The following HIVEP2 variants were observed in gnomAD, a reference collection of about 807,000 sequenced individuals.
The protein encoded by HIVEP2 is transcription factor HIVEP2.
A neutral mutation model predicts 180.7 loss-of-function variants in HIVEP2; 14 were observed. That is an observed-to-expected ratio of 0.08 (90% confidence interval 0.05 to 0.12). HIVEP2 has a LOEUF of 0.12. Ranked by LOEUF, HIVEP2 falls within the 10% of genes least tolerant of loss-of-function variation. The pLI is 1.00. For missense variants in HIVEP2, 2,579 were observed against 3,008.5 expected (o/e 0.86, Z 3.34); for synonymous variants, 1,184 against 1,136.4 (o/e 1.04, Z -0.84).
intron 1 of HIVEP2, among the ~76,000 whole-genome samples, chr6:142,929,604 T>G (rs970685265): frequency 2.0e-5 from 3 of 152,176 alleles, no homozygotes; most frequent in African/African-American, 7.2e-5. Context: ...AGAAAAAAAT[T>G]AAAGTGCTCC....
Position 142,771,319 on chromosome 6 carries a change from C to T in HIVEP2, c.3420G>A (p.Ala1140=), listed in dbSNP as rs749654142. Reference sequence around the variant, plus strand: ...CCGAGCTCAGCGGGGGACAAGGACCCGCCACCTGCTTCCCTGGGTCCTCTT... The same window carrying T: ...CCGAGCTCAGCGGGGGACAAGGACCTGCCACCTGCTTCCCTGGGTCCTCTT... The part of the protein sequence containing the change: ...LQQEDPGKQV[A]GPCPPLSSGP... The change falls in exon 5 of 10, where the codon GCG becomes GCA. Residue 1140 remains alanine, a synonymous_variant. Coordinates refer to ENST00000367603, the MANE Select transcript of HIVEP2 (RefSeq NM_006734.4). This position sits in a 1 kb window ranked among gnomAD's most constrained non-coding sequence, Gnocchi z 5.4. 2.7e-5 allele frequency: 44 copies of T among 1,613,106 alleles called. No individual in the cohort carries two copies. In the Middle Eastern group the frequency reaches 6.6e-4, roughly 24 times the overall value.
At chr6:142,786,071 C>T (rs372018674) in intron 2 of HIVEP2, among the ~76,000 whole-genome samples, 1 of 152,246 alleles carries the variant, frequency 6.6e-6, no homozygotes, top group Non-Finnish European at 1.5e-5. Context: ...TATGGAGATG[C>T]CATCTCAGAA....
At chr6:142,893,519 T>C (rs533257843) in intron 1 of HIVEP2, among the ~76,000 whole-genome samples, 1 of 152,304 alleles carries the variant, frequency 6.6e-6, no homozygotes, top group South Asian at 2.1e-4. Context: ...TGACTCCCCT[T>C]TGCAGATGAG....
rs1775520400 is a variant in HIVEP2, at chr6:142,770,880, C to T, written c.3859G>A (p.Gly1287Arg). Reference protein sequence around the residue: ...QTYPCYSGASGLHPKNLLPKF... With the variant: ...QTYPCYSGASRLHPKNLLPKF... ...GGAAGAAGGTTCTTTGGGTGTAGCC[C>T]TGATGCTCCTGAATAACATGGGTAG... The change falls in exon 5 of 10, where the codon GGG (glycine) becomes AGG (arginine). Residue 1287 changes from glycine (G) to arginine (R), a missense_variant. By Grantham distance (125) the Gly-to-Arg change is moderately radical. Around this residue, in one of 11 missense-constraint regions of HIVEP2, gnomAD observed 523 missense variants for 577.0 expected, o/e 0.91. Coordinates refer to ENST00000367603, the MANE Select transcript of HIVEP2 (RefSeq NM_006734.4). This position sits in a 1 kb window ranked among gnomAD's most constrained non-coding sequence, Gnocchi z 4.7. The T allele has an allele frequency of 6.2e-7, 1 of 1,614,218 alleles. No individual in the cohort carries two copies. The highest frequency in any genetic ancestry group is 8.5e-7 in the Non-Finnish European group (1 of 1,180,046).
At chr6:142,808,750 G>A (rs1449262462) in intron 2 of HIVEP2, among the ~76,000 whole-genome samples, 4 of 151,488 alleles carry the variant, frequency 2.6e-5, no homozygotes, top group Non-Finnish European at 5.9e-5. Context: ...GGGGATAGAG[G>A]CAGGGAGGGA....
At chr6:142,929,869 A>G (rs1777900263) in intron 1 of HIVEP2, among the ~76,000 whole-genome samples, 1 of 152,200 alleles carries the variant, frequency 6.6e-6, no homozygotes, top group African/African-American at 2.4e-5. Context: ...ACATTTTCAT[A>G]GACTTTGAAA....
At chr6:142,853,515 C>T (rs1010738793) in intron 1 of HIVEP2, among the ~76,000 whole-genome samples, 2 of 152,194 alleles carry the variant, frequency 1.3e-5, no homozygotes, top group South Asian at 4.1e-4. Context: ...GCATGCAAGG[C>T]CACCCTTCAA....
At position 142,794,245 on chromosome 6, in the gene HIVEP2, G is replaced by T. The variant is rs577768187; in HGVS notation, c.-527-10630C>A. 3.9e-5 allele frequency among the ~76,000 whole-genome samples: 6 copies of T among 152,106 alleles called. 1 individual carries two copies. Among genetic ancestry groups the T allele is most frequent in the Admixed American group, 1.3e-4 (2 of 15,266 alleles). On this transcript the variant is annotated intron_variant, in intron 2 of 9. Transcript: ENST00000367603. ...ACTATTTCTACTTTTCTTTCCCATTGTCTCATACTGATAATTAACAATATG... is the reference window on the plus strand; with the variant it reads ...ACTATTTCTACTTTTCTTTCCCATTTTCTCATACTGATAATTAACAATATG...
Position 142,774,824 on chromosome 6 carries a change from TG to T in HIVEP2, c.-87del. The T allele has an allele frequency of 6.5e-7, 1 of 1,529,712 alleles. No homozygotes were observed. Among genetic ancestry groups the T allele is most frequent in the East Asian group, 2.3e-5 (1 of 44,286 alleles). 94.8% of individuals were successfully genotyped at this position (1,529,712 alleles called of 1,614,324 possible). On this transcript the variant is annotated 5_prime_UTR_variant, in exon 5 of 10. An upstream open reading frame in the 5' UTR loses its in-frame stop. Coordinates refer to ENST00000367603, the MANE Select transcript of HIVEP2 (RefSeq NM_006734.4). The surrounding 1 kb of genome is among the most constrained non-coding windows in gnomAD (Gnocchi z 5.1). ...CTCCAAAGCTGTGCTTCTTAAAGCT[TG>T]GTTGCTTCCATGTTCCAGGGTGTCT...
chr6:142,915,186 T>C (rs1777521222), intron 1 of HIVEP2, among the ~76,000 whole-genome samples: 1 of 152,192 alleles, frequency 6.6e-6, no homozygotes, highest in Non-Finnish European at 1.5e-5. Flanking sequence ...ATGTGTGGAA[T>C]TGTGGCCCCC....
chr6:142,795,593 T>C (rs1776260176), intron 2 of HIVEP2, among the ~76,000 whole-genome samples: 1 of 152,196 alleles, frequency 6.6e-6, no homozygotes, highest in South Asian at 2.1e-4. Context: ...GATTTTAACA[T>C]AGATGTAAAT....
intron 2 of HIVEP2, among the ~76,000 whole-genome samples, chr6:142,803,237 C>T (rs1271683455): frequency 6.6e-6 from 1 of 152,112 alleles, no homozygotes; most frequent in Non-Finnish European, 1.5e-5. Context: ...TGATGAAATG[C>T]TACAGTGAAT....
At chr6:142,940,136 G>A (rs1395190475) in intron 1 of HIVEP2, among the ~76,000 whole-genome samples, 1 of 152,048 alleles carries the variant, frequency 6.6e-6, no homozygotes, top group African/African-American at 2.4e-5. Context: ...GCTCATGCAG[G>A]GCTCCAAAGA....
At chr6:142,784,608 G>A (rs1369402224) in intron 2 of HIVEP2, among the ~76,000 whole-genome samples, 1 of 152,186 alleles carries the variant, frequency 6.6e-6, no homozygotes, top group South Asian at 2.1e-4. Context: ...CAAGAACCAC[G>A]TCAGTAACCA....
intron 1 of HIVEP2, among the ~76,000 whole-genome samples, chr6:142,887,959 C>CAAAA (rs10634446): frequency 3.5e-5 from 5 of 143,152 alleles, no homozygotes; most frequent in African/African-American, 1.3e-4. Context: ...GGCGATGCAG[C>CAAAA]AAAAAAAAAA....
intron 3 of HIVEP2, among the ~76,000 whole-genome samples, chr6:142,779,049 C>A (rs918994822): frequency 1.3e-5 from 2 of 151,966 alleles, no homozygotes; most frequent in African/African-American, 4.8e-5. Flanking sequence ...CTTGTAAGAC[C>A]ATAATAAAGT....
intron 1 of HIVEP2, among the ~76,000 whole-genome samples, chr6:142,927,300 C>T (rs1447122601): frequency 6.6e-6 from 1 of 152,216 alleles, no homozygotes; most frequent in Admixed American, 6.5e-5. Context: ...TAATTTTGAA[C>T]GCAGTTTCCC....
At chr6:142,862,943 T>G (rs1776039533) in intron 1 of HIVEP2, among the ~76,000 whole-genome samples, 1 of 135,602 alleles carries the variant, frequency 7.4e-6, no homozygotes, top group East Asian at 2.1e-4. Flanking sequence ...ACTTTACATA[T>G]AATATAATAT....
intron 1 of HIVEP2, among the ~76,000 whole-genome samples, chr6:142,838,173 G>A (rs907621971): frequency 3.9e-5 from 6 of 152,090 alleles, no homozygotes; most frequent in Admixed American, 2.6e-4. Flanking sequence ...GCTAACAATA[G>A]AGAAGACAAA....
Sources: gnomAD v4.1 joint callset for allele counts (sites outside exome capture counted in the v4.1 genomes callset) on GRCh38, gnomAD v4.1.1 for gene constraint, gnomAD v4.1.1 regional missense constraint, Gnocchi (gnomAD v3.1) non-coding constraint, MANE v1.5 for transcripts, NCBI Gene and HGNC (gene_info 2026-07-23, HGNC 2026-07-21) for gene names.